FBLN2: variants seen among roughly 807,000 people sequenced by gnomAD.
The protein encoded by FBLN2 is fibulin 2, also known as fibulin-2.
A neutral mutation model predicts 123.7 loss-of-function variants in FBLN2; 81 were observed. The ratio of observed to expected loss-of-function variants is 0.65; its 90% CI spans 0.55 to 0.79. The LOEUF (loss-of-function observed/expected upper bound fraction) is 0.79, where lower values mean the gene tolerates loss of function less well. Ranked by LOEUF, FBLN2 falls within the 30% of genes least tolerant of loss-of-function variation. The pLI is 0.00. For synonymous variants in FBLN2, 699 were observed against 701.4 expected, an observed-to-expected ratio of 1.00 and a Z score of 0.05; for missense variants, 1,603 against 1,681.3, an observed-to-expected ratio of 0.95 and a Z score of 0.81.
At chr3:13,550,315 T>G (rs1308672557) in intron 1 of FBLN2, among the ~76,000 whole-genome samples, 2 of 152,190 alleles carry the variant, frequency 1.3e-5, no homozygotes, top group Non-Finnish European at 2.9e-5. Context: ...CTCACCTCCG[T>G]GCATCCTCTC....
In FBLN2 at chr3:13,608,053, T is replaced by C. The variant is rs1006509537; in HGVS notation, c.1307-9T>C. 21 of 1,565,790 alleles carry C rather than the reference T, an allele frequency of 1.3e-5. No homozygotes were observed. The highest frequency in any genetic ancestry group is 1.8e-5 in the Non-Finnish European group (21 of 1,154,948). ...GAATGGTGACTCTGCCTCATGTTGC[T>C]ATCCACAGGCTCCACCAAGGACCTG... On this transcript the variant is annotated splice_polypyrimidine_tract_variant and intron_variant, in intron 2 of 17. Coordinates refer to ENST00000404922, the MANE Select transcript of FBLN2 (RefSeq NM_001004019.2).
chr3:13,568,702 G>A, intron 1 of FBLN2: 11 of 919,376 alleles, frequency 1.2e-5, no homozygotes, highest in Non-Finnish European at 1.4e-5. Flanking sequence ...ACTGACACGG[G>A]CTCCCCTGAC....
intron 2 of FBLN2, among the ~76,000 whole-genome samples, chr3:13,592,033 T>TA (rs1704693605): frequency 6.6e-6 from 1 of 151,006 alleles, no homozygotes. Flanking sequence ...TTTTTTTTTT[T>TA]TTTTATTTTG....
chr3:13,568,732 G>A (rs117010238), intron 1 of FBLN2: 125 of 982,276 alleles, frequency 1.3e-4, no homozygotes, highest in Non-Finnish European at 1.5e-4. Flanking sequence ...TCCTCCTTCC[G>A]TCTCCTTGAT....
At chr3:13,619,511 C>T (rs1030001830) in intron 7 of FBLN2, among the ~76,000 whole-genome samples, 2 of 152,300 alleles carry the variant, frequency 1.3e-5, no homozygotes, top group South Asian at 4.1e-4. Context: ...GAGGTAGACC[C>T]AGAACGTCGT....
chr3:13,591,383 ACAAGTTC>A, intron 2 of FBLN2, among the ~76,000 whole-genome samples: 2 of 152,388 alleles, frequency 1.3e-5, no homozygotes, highest in Middle Eastern at 6.8e-3. Flanking sequence ...TCTGAGGAAC[ACAAGTTC>A]CAAATTGGAA....
chr3:13,577,068 C>T (rs1027754437), intron 2 of FBLN2, among the ~76,000 whole-genome samples: 1 of 152,002 alleles, frequency 6.6e-6, no homozygotes. Context: ...ACTAAAAATA[C>T]AAAAATTAGC....
chr3:13,565,290 G>A (rs1703712094), intron 1 of FBLN2, among the ~76,000 whole-genome samples: 1 of 152,228 alleles, frequency 6.6e-6, no homozygotes, highest in Admixed American at 6.5e-5. Context: ...ACCTGCCGCT[G>A]GTCCTGTCTG....
intron 2 of FBLN2, among the ~76,000 whole-genome samples, chr3:13,603,811 T>C (rs1574975396): frequency 6.6e-6 from 1 of 152,234 alleles, no homozygotes; most frequent in Non-Finnish European, 1.5e-5. Context: ...GCAATCGCCA[T>C]ACTGTCTTCC....
At chr3:13,593,882 ATTC>A (rs1156452081) in intron 2 of FBLN2, among the ~76,000 whole-genome samples, 37 of 152,060 alleles carry the variant, frequency 2.4e-4, no homozygotes, top group African/African-American at 7.7e-4. Flanking sequence ...GCAAGTATGA[ATTC>A]TTCTTCTCTC....
chr3:13,614,046 C>T lies in FBLN2; in HGVS notation c.1611C>T (p.Ser537=). 6.2e-7 allele frequency: 1 copy of T among 1,613,692 alleles called. No individual in the cohort carries two copies. The highest frequency in any genetic ancestry group is 2.2e-5 in the East Asian group (1 of 44,886). ...GGGCCGAGGGCCAGTCGTGTGAGTC[C>T]AATCCTAACCTGGGCTATCCCTGCA... is the stretch of plus-strand genomic sequence containing the variant. ...RVRAEGQSCE[S]NPNLGYPCNH... is the part of the protein sequence containing the mutation. Residue 537 remains serine (S), a synonymous_variant, in exon 5 of 18, where the codon TCC becomes TCT. Coordinates refer to ENST00000404922, the MANE Select transcript of FBLN2 (RefSeq NM_001004019.2).
At chr3:13,557,495 G>A (rs561480814) in intron 1 of FBLN2, among the ~76,000 whole-genome samples, 1 of 152,346 alleles carries the variant, frequency 6.6e-6, no homozygotes, top group East Asian at 1.9e-4. Flanking sequence ...GATGCCATCA[G>A]GACCGGGTCT....
intron 5 of FBLN2, among the ~76,000 whole-genome samples, chr3:13,616,880 C>T (rs998618480): frequency 6.6e-6 from 1 of 152,226 alleles, no homozygotes; most frequent in Non-Finnish European, 1.5e-5. Context: ...CCCAAGTTGA[C>T]CCAGCTAGGG....
At chr3:13,599,728 G>A (rs1461738709) in intron 2 of FBLN2, among the ~76,000 whole-genome samples, 1 of 151,768 alleles carries the variant, frequency 6.6e-6, no homozygotes, top group Non-Finnish European at 1.5e-5. Flanking sequence ...GCCTGGGAGC[G>A]TCCTGAGGAT....
At chr3:13,635,582 G>T (rs995253499) in intron 16 of FBLN2, among the ~76,000 whole-genome samples, 2 of 152,186 alleles carry the variant, frequency 1.3e-5, no homozygotes, top group Admixed American at 6.5e-5. Flanking sequence ...TGTGCCTGTT[G>T]GAGTTGCACA....
intron 2 of FBLN2, among the ~76,000 whole-genome samples, chr3:13,607,384 A>G (rs1705243375): frequency 6.6e-6 from 1 of 152,214 alleles, no homozygotes; most frequent in South Asian, 2.1e-4. Flanking sequence ...GAAGTGGACC[A>G]TCATAAAGGT....
intron 2 of FBLN2, among the ~76,000 whole-genome samples, chr3:13,582,757 C>T: frequency 6.6e-6 from 1 of 152,250 alleles, no homozygotes. Context: ...TAACGGCAGC[C>T]AGCACAGAGT....
At chr3:13,563,094 C>T (rs530802550) in intron 1 of FBLN2, among the ~76,000 whole-genome samples, 3 of 152,188 alleles carry the variant, frequency 2.0e-5, no homozygotes, top group Admixed American at 6.5e-5. Flanking sequence ...AACTTGGATG[C>T]GCAAATATTA....
At chr3:13,592,018 C>CTTTTTTTTTT (rs869103466) in intron 2 of FBLN2, among the ~76,000 whole-genome samples, 6 of 131,984 alleles carry the variant, frequency 4.5e-5, no homozygotes, top group Non-Finnish European at 6.5e-5. Context: ...CCTCTCTTTT[C>CTTTTTTTTTT]TTTTTTTTTT....
Sources: gnomAD v4.1 joint callset for allele counts (sites outside exome capture counted in the v4.1 genomes callset) on GRCh38, gnomAD v4.1.1 for gene constraint, MANE v1.5 for transcripts, NCBI Gene and HGNC (gene_info 2026-07-23, HGNC 2026-07-21) for gene names.